The following FRMD6 variants were observed in gnomAD, a reference collection of about 807,000 sequenced individuals.
FRMD6 encodes FERM domain-containing protein 6.
In FRMD6, 37 loss-of-function variants were observed where a neutral mutation model predicts 73.2. The ratio of observed to expected loss-of-function variants is 0.51; its 90% CI spans 0.39 to 0.66. FRMD6 has a LOEUF of 0.66. Ranked by LOEUF, FRMD6 falls within the 30% of genes least tolerant of loss-of-function variation. The probability of loss-of-function intolerance (pLI) is 0.00; values close to 1 mark genes in which losing one functional copy is unlikely to be tolerated. For missense variants in FRMD6, 714 were observed against 780.5 expected, an observed-to-expected ratio of 0.91 and a Z score of 1.02; for synonymous variants, 273 against 282.2, an observed-to-expected ratio of 0.97 and a Z score of 0.33.
chr14:51,674,269 GAAT>G (rs1056559467), intron 1 of FRMD6, among the ~76,000 whole-genome samples: 2 of 152,166 alleles, frequency 1.3e-5, no homozygotes, highest in African/African-American at 4.8e-5. Flanking sequence ...AGTCATGAAG[GAAT>G]ATAGGCACTC....
rs1898185112 is a variant in FRMD6 at position 51,730,170 on chromosome 14, A to G, written c.*2141A>G. The G allele has an allele frequency of 6.6e-6, 1 of 152,212 alleles. No individual in the cohort carries two copies. The highest frequency in any genetic ancestry group is 2.1e-4 in the South Asian group (1 of 4,836). 9.4% of individuals were successfully genotyped at this position (152,212 alleles called of 1,614,324 possible). A position where few individuals can be genotyped will look rare whatever the true frequency, so the allele number is the denominator to read the frequency against. On this transcript the variant is annotated 3_prime_UTR_variant, in exon 14 of 14. Coordinates refer to ENST00000344768, the MANE Select transcript of FRMD6 (RefSeq NM_001267046.2). Reference sequence around the variant, plus strand: ...GAAAGATAAAGAAAAAACATATTTAATTACTGTAAACAGGTACTGCTTTAT... The same window carrying G: ...GAAAGATAAAGAAAAAACATATTTAGTTACTGTAAACAGGTACTGCTTTAT...
chr14:51,410,825 C>T, the FRMD6 span, among the ~76,000 whole-genome samples: 3 of 152,034 alleles, frequency 2.0e-5, no homozygotes, highest in Non-Finnish European at 2.9e-5. Flanking sequence ...ACATTTATAT[C>T]GTGGCTCTTT....
At chr14:51,416,403 G>T in the FRMD6 span, among the ~76,000 whole-genome samples, 1 of 152,052 alleles carries the variant, frequency 6.6e-6, no homozygotes, top group Non-Finnish European at 1.5e-5. Flanking sequence ...CCTTCATTTC[G>T]TTATTTACCC....
At chr14:51,719,626 A>G (rs1040244354) in intron 10 of FRMD6, among the ~76,000 whole-genome samples, 37 of 152,254 alleles carry the variant, frequency 2.4e-4, no homozygotes, top group Admixed American at 1.0e-3. Context: ...AAAGGGCCAG[A>G]TTTTTAAAAT....
chr14:51,440,672 C>T, the FRMD6 span, among the ~76,000 whole-genome samples: 2 of 152,056 alleles, frequency 1.3e-5, no homozygotes, highest in African/African-American at 4.8e-5. Flanking sequence ...AGCAAATGTA[C>T]TTATACTTGC....
At chr14:51,721,773 A>T in intron 11 of FRMD6, among the ~76,000 whole-genome samples, 176 bp from the exon 12 acceptor site, 1 of 151,200 alleles carries the variant, frequency 6.6e-6, no homozygotes, top group Non-Finnish European at 1.5e-5. Flanking sequence ...GAAGGAGGGA[A>T]GGAGTAAACA....
intron 2 of FRMD6, among the ~76,000 whole-genome samples, chr14:51,691,470 A>C (rs1219639464): frequency 1.3e-5 from 2 of 151,916 alleles, no homozygotes; most frequent in Non-Finnish European, 2.9e-5. Context: ...ATCAACTTTC[A>C]TACTGTTTCT....
chr14:51,646,373 C>T (rs1468322245), intron 2 of FRMD6, among the ~76,000 whole-genome samples: 2 of 147,090 alleles, frequency 1.4e-5, no homozygotes, highest in African/African-American at 5.0e-5. Context: ...TGGCCCAAGA[C>T]CTCCATAATG....
At chr14:51,409,030 G>A in the FRMD6 span, among the ~76,000 whole-genome samples, 4 of 152,154 alleles carry the variant, frequency 2.6e-5, no homozygotes, top group African/African-American at 7.2e-5. Flanking sequence ...ATACTCGACA[G>A]GGACTTTTTC....
At chr14:51,566,598 T>G (rs1044646900) in intron 1 of FRMD6, among the ~76,000 whole-genome samples, 2 of 152,206 alleles carry the variant, frequency 1.3e-5, no homozygotes, top group Non-Finnish European at 2.9e-5. Context: ...TTAATGAAGC[T>G]CCAGCCTTCC....
intron 1 of FRMD6, among the ~76,000 whole-genome samples, chr14:51,509,629 T>C (rs1035686019): frequency 6.6e-6 from 1 of 152,136 alleles, no homozygotes; most frequent in Non-Finnish European, 1.5e-5. Context: ...ATATACTTTA[T>C]TTATGTATTT....
the FRMD6 span, chr14:51,436,728 A>C: frequency 1.9e-6 from 1 of 539,518 alleles, no homozygotes; most frequent in Non-Finnish European, 3.4e-6. Flanking sequence ...CTATTACAGT[A>C]CTACTTGGTT....
At chr14:51,586,528 G>A (rs1471111961) in intron 2 of FRMD6, among the ~76,000 whole-genome samples, 2 of 152,040 alleles carry the variant, frequency 1.3e-5, no homozygotes, top group African/African-American at 4.8e-5. Flanking sequence ...ACTGTAGTCC[G>A]TCTACTCTCT....
the FRMD6 span, among the ~76,000 whole-genome samples, chr14:51,472,079 G>C: frequency 1.3e-5 from 2 of 152,108 alleles, no homozygotes; most frequent in South Asian, 4.2e-4. Context: ...CCTCTAGAAC[G>C]GTTAGAAATA....
intron 10 of FRMD6, among the ~76,000 whole-genome samples, chr14:51,719,520 A>C (rs1897415589): frequency 6.6e-6 from 1 of 152,274 alleles, no homozygotes; most frequent in Non-Finnish European, 1.5e-5. Flanking sequence ...ACAGTGGAAC[A>C]AATTGAACAA....
At chr14:51,555,395 C>T (rs751706354) in intron 1 of FRMD6, among the ~76,000 whole-genome samples, 1 of 152,110 alleles carries the variant, frequency 6.6e-6, no homozygotes, top group African/African-American at 2.4e-5. Flanking sequence ...AGCCAGGTAC[C>T]TTTGATTTTC....
the FRMD6 span, among the ~76,000 whole-genome samples, chr14:51,467,540 G>A: frequency 2.6e-5 from 4 of 152,208 alleles, no homozygotes; most frequent in South Asian, 2.1e-4. Context: ...CAGAAGGGGC[G>A]GCCGGGCAGA....
In FRMD6 at chr14:51,644,492, G is replaced by A. The variant is rs79730744; in HGVS notation, c.-146-45199G>A. Among the ~76,000 whole-genome samples, 739 of 152,160 alleles carry A rather than the reference G, an allele frequency of 4.9e-3. 5 individuals carry two copies. The highest frequency in any genetic ancestry group is 0.017 in the African/African-American group (690 of 41,510). ...TGTCAGATACTGTTCTAGATGAATGGGGCCATAGCAGTTAGAGAGATTTTA... is the reference window on the plus strand; with the variant it reads ...TGTCAGATACTGTTCTAGATGAATGAGGCCATAGCAGTTAGAGAGATTTTA... On this transcript the variant is annotated intron_variant, in intron 2 of 14. Coordinates refer to the FRMD6 transcript ENST00000356218.
intron 2 of FRMD6, among the ~76,000 whole-genome samples, chr14:51,620,830 C>T (rs1180300446): frequency 6.6e-6 from 1 of 152,202 alleles, no homozygotes; most frequent in Non-Finnish European, 1.5e-5. Flanking sequence ...GGTCCCCAAG[C>T]CCTGCTGCAG....
Sources: gnomAD v4.1 joint callset for allele counts (sites outside exome capture counted in the v4.1 genomes callset) on GRCh38, gnomAD v4.1.1 for gene constraint, MANE v1.5 for transcripts, NCBI Gene and HGNC (gene_info 2026-07-23, HGNC 2026-07-21) for gene names.